The following WDR86 variants were observed in gnomAD, a reference collection of about 807,000 sequenced individuals.
The protein encoded by WDR86 is WD repeat-containing protein 86.
A neutral mutation model predicts 36.5 loss-of-function variants in WDR86; 30 were observed. That is an observed-to-expected ratio of 0.82 (90% CI 0.61 to 1.11). WDR86 has a LOEUF of 1.11. Ranked by LOEUF, WDR86 falls within the 50% of genes most tolerant of loss-of-function variation. WDR86 has a pLI of 0.00. For missense variants in WDR86, 545 were observed against 561.2 expected (o/e 0.97, Z 0.29); for synonymous variants, 255 against 252.9 (o/e 1.01, Z -0.08).
chr7:151,394,458 G>A (rs1799662176), intron 3 of WDR86, among the ~76,000 whole-genome samples: 3 of 152,198 alleles, frequency 2.0e-5, no homozygotes, highest in Admixed American at 6.5e-5. Context: ...CATCTTCTGC[G>A]GCTTCGCTGA....
At chr7:151,392,555 G>A (rs958980956) in intron 3 of WDR86, among the ~76,000 whole-genome samples, 1 of 152,168 alleles carries the variant, frequency 6.6e-6, no homozygotes, top group East Asian at 1.9e-4. Context: ...GAGCCCCTGC[G>A]GAGCGCCGCC....
intron 1 of WDR86, among the ~76,000 whole-genome samples, chr7:151,402,070 A>AAAAAATAT: frequency 5.9e-4 from 30 of 50,526 alleles, no homozygotes; most frequent in East Asian, 5.9e-3. Flanking sequence ...AAAAAAAAAA[A>AAAAAATAT]ATATATATAT....
chr7:151,376,138 G>T, downstream of WDR86: 1 of 549,958 alleles, frequency 1.8e-6, no homozygotes, highest in Non-Finnish European at 3.3e-6. Context: ...TTGGAAAGCA[G>T]GAAAACTGGG....
chr7:151,395,746 G>T, intron 3 of WDR86, 30 bp downstream of exon 3: 1 of 1,523,070 alleles, frequency 6.6e-7, no homozygotes, highest in Non-Finnish European at 8.8e-7. Context: ...GGCTCCCCTG[G>T]CTGCTGGGCG....
At chr7:151,373,961 A>C, downstream of WDR86, 1 of 903,848 alleles carries the variant, frequency 1.1e-6, no homozygotes, top group Non-Finnish European at 1.6e-6. Flanking sequence ...GAGGAGAGGT[A>C]GAAAGAGGGC....
chr7:151,409,662 G>A lies in WDR86; in HGVS notation c.-73C>T. ...GGGGCGCCCCGGGGTCCGCGCGGCG[G>A]CTCCGTACGACTGCGGCCCGCGGCC... On this transcript the variant is annotated 5_prime_UTR_variant, in exon 1 of 6. Coordinates refer to ENST00000334493, the MANE Select transcript of WDR86 (RefSeq NM_198285.3). The surrounding 1 kb of genome is among the most constrained non-coding windows in gnomAD (Gnocchi z 5.2). The A allele has an allele frequency of 7.6e-7, 1 of 1,312,960 alleles. No homozygotes were observed. The allele number at this position is 1,312,960 out of a possible 1,614,324, so 81.3% of individuals were successfully genotyped here. A position where few individuals can be genotyped will look rare whatever the true frequency, so the allele number is the denominator to read the frequency against.
chr7:151,408,559 C>A, intron 1 of WDR86: 1 of 208,388 alleles, frequency 4.8e-6, no homozygotes, highest in Non-Finnish European at 1.0e-5. Context: ...AATATCCTAC[C>A]TAAGTTGGAA....
At chr7:151,396,703 T>C (rs1046357214) in intron 2 of WDR86, among the ~76,000 whole-genome samples, 2 of 152,188 alleles carry the variant, frequency 1.3e-5, no homozygotes, top group Non-Finnish European at 2.9e-5. Context: ...GCAGGGCACT[T>C]CAGATGAGGG....
chr7:151,376,796 C>A (rs1458457448), downstream of WDR86: 6 of 1,585,414 alleles, frequency 3.8e-6, no homozygotes, highest in Non-Finnish European at 5.1e-6. Flanking sequence ...AGCCACGTCC[C>A]CTTCTGACTC....
In WDR86 at chr7:151,381,712, T is replaced by C. The variant is rs1262107207; in HGVS notation, c.1001A>G (p.Asp334Gly). Residue 334 changes from aspartate to glycine, a missense_variant, in exon 6 of 6, where the codon GAC becomes GGC. Coordinates refer to ENST00000334493, the MANE Select transcript of WDR86 (RefSeq NM_198285.3). The surrounding 1 kb of genome is among the most constrained non-coding windows in gnomAD (Gnocchi z 4.8). ...HGQVLYTASH[D>G]GALRLWDVRG... ...CACGTCCCAGAGGCGCAGGGCGCCG[T>C]CGTGCGAGGCGGTGTAGAGCACCTG... The C allele has an allele frequency of 6.7e-7, 1 of 1,496,118 alleles. No homozygotes were observed. Among genetic ancestry groups the C allele is most frequent in the Non-Finnish European group, 8.9e-7 (1 of 1,128,628 alleles). 92.7% of individuals were successfully genotyped at this position (1,496,118 alleles called of 1,614,324 possible).
At chr7:151,374,185 C>T (rs377172702), downstream of WDR86, 495 of 1,574,198 alleles carry the variant, frequency 3.1e-4, no homozygotes, top group South Asian at 6.6e-4. Flanking sequence ...GGCTACTCCA[C>T]GCACGCGGCC....
At chr7:151,393,806 C>T (rs988467341) in intron 3 of WDR86, among the ~76,000 whole-genome samples, 13 of 152,130 alleles carry the variant, frequency 8.5e-5, no homozygotes, top group East Asian at 3.9e-4. Flanking sequence ...CTGACTCTCA[C>T]GGGAACCCTG....
chr7:151,400,341 G>A, intron 1 of WDR86, 100 bp from the exon 2 acceptor site: 1 of 1,301,282 alleles, frequency 7.7e-7, no homozygotes. Context: ...GCAGGATGTA[G>A]GGAGTGTTTG....
At chr7:151,394,090 T>A (rs544716738) in intron 3 of WDR86, among the ~76,000 whole-genome samples, 1 of 152,260 alleles carries the variant, frequency 6.6e-6, no homozygotes, top group Admixed American at 6.5e-5. Context: ...ACAGACCCTG[T>A]GAGATGGGCC....
rs1484500886 is a variant in WDR86, at chr7:151,381,452, C to G, written c.*130G>C. 1.3e-6 allele frequency: 2 copies of G among 1,490,436 alleles called. No individual in the cohort carries two copies. Among genetic ancestry groups the G allele is most frequent in the African/African-American group, 2.9e-5 (2 of 68,774 alleles). 92.3% of individuals were successfully genotyped at this position (1,490,436 alleles called of 1,614,324 possible). On this transcript the variant is annotated 3_prime_UTR_variant, in exon 6 of 6. Transcript: ENST00000334493. This position sits in a 1 kb window ranked among gnomAD's most constrained non-coding sequence, Gnocchi z 4.8. ...AAAAACCAGACGCCTGCGACGGGCT[C>G]TCCTCCCGCCCGGGCTTCCTCGCTC...
intron 1 of WDR86, among the ~76,000 whole-genome samples, chr7:151,402,518 T>C (rs1244482734): frequency 1.3e-5 from 2 of 152,094 alleles, no homozygotes; most frequent in Non-Finnish European, 2.9e-5. Context: ...AGCGGCTGGC[T>C]GGGGCTCGGG....
At chr7:151,375,927 A>G in exon 2 of WDR86, 1 of 1,611,628 alleles carries the variant, frequency 6.2e-7, no homozygotes, top group South Asian at 1.1e-5. Flanking sequence ...AGTCCTTCCC[A>G]GGAAAACATT....
rs1291524466 is a variant in WDR86 at position 151,405,999 on chromosome 7, C to T, written c.163+3428G>A. On this transcript the variant is annotated intron_variant, in intron 1 of 5. Transcript: ENST00000334493. The surrounding 1 kb of genome is among the most constrained non-coding windows in gnomAD (Gnocchi z 4.7). ...CTCATCTCATTGAACCAATAAAGTG[C>T]CCCCAAATAAGGAGATATTCAATGA... Among the ~76,000 whole-genome samples the T allele has an allele frequency of 1.3e-5, 2 of 152,142 alleles. No homozygotes were observed. The highest frequency in any genetic ancestry group is 4.8e-5 in the African/African-American group (2 of 41,422).
chr7:151,376,937 C>T, downstream of WDR86: 3 of 1,418,330 alleles, frequency 2.1e-6, no homozygotes, highest in South Asian at 2.9e-5. Context: ...GGGCCGGCCA[C>T]CTGGACAGTG....
Sources: allele counts gnomAD v4.1 joint callset (sites outside exome capture counted in the v4.1 genomes callset), GRCh38; gene constraint gnomAD v4.1.1; non-coding constraint Gnocchi (gnomAD v3.1); transcripts MANE v1.5; gene names NCBI Gene and HGNC (gene_info 2026-07-23, HGNC 2026-07-21).